Variants in PTPRT observed in about 807,000 individuals in gnomAD.
PTPRT encodes receptor-type tyrosine-protein phosphatase T.
Under a neutral mutation model 176.8 loss-of-function variants are expected in PTPRT, and 56 were observed. The ratio of observed to expected loss-of-function variants is 0.32; its 90% CI spans 0.26 to 0.40. The LOEUF (loss-of-function observed/expected upper bound fraction) is 0.40, where lower values mean the gene tolerates loss of function less well. PTPRT is among the 10% of genes least tolerant of loss of function. PTPRT has a pLI of 1.00. For missense variants in PTPRT, 1,540 were observed against 1,908.2 expected (o/e 0.81, Z 3.60); for synonymous variants, 783 against 739.0 (o/e 1.06, Z -0.96).
rs535257625 is a variant in PTPRT at position 43,016,609 on chromosome 20, G to A, written c.89-130677C>T. On this transcript the variant is annotated intron_variant, in intron 1 of 30. Coordinates refer to ENST00000373187, the MANE Select transcript of PTPRT (RefSeq NM_007050.6). ...CAGAGTCTCATTCTGTCTCTATCTCGGCTCACTGCAACCTCCCCCTCTTGG... is the reference window on the plus strand; with the variant it reads ...CAGAGTCTCATTCTGTCTCTATCTCAGCTCACTGCAACCTCCCCCTCTTGG... Among the ~76,000 whole-genome samples, 10 of 127,190 alleles carry A rather than the reference G, an allele frequency of 7.9e-5. No homozygotes were observed. The South Asian group carries it at 1.0e-3, about 13-fold the overall frequency. 83.4% of individuals were successfully genotyped at this position (127,190 alleles called of 152,430 possible).
chr20:42,821,723 C>A (rs1248769014), intron 2 of PTPRT, among the ~76,000 whole-genome samples: 2 of 152,106 alleles, frequency 1.3e-5, no homozygotes, highest in Admixed American at 6.5e-5. Context: ...TCTCGGGATA[C>A]AAAAGCAATG....
At chr20:42,881,923 G>A (rs2079018527) in intron 2 of PTPRT, among the ~76,000 whole-genome samples, 1 of 152,028 alleles carries the variant, frequency 6.6e-6, no homozygotes, top group Admixed American at 6.6e-5. Flanking sequence ...AGAAGAAAAG[G>A]GGCCCAAAGA....
At chr20:42,364,013 A>G (rs1347634026) in intron 9 of PTPRT, among the ~76,000 whole-genome samples, 1 of 152,146 alleles carries the variant, frequency 6.6e-6, no homozygotes, top group Non-Finnish European at 1.5e-5. Flanking sequence ...AGAGCTTTTG[A>G]GTGCATCGTT....
chr20:42,573,894 C>T (rs1426365194), intron 7 of PTPRT, among the ~76,000 whole-genome samples: 1 of 151,756 alleles, frequency 6.6e-6, no homozygotes, highest in Admixed American at 6.6e-5. Flanking sequence ...GATTACAGGC[C>T]CGTGCCACCA....
chr20:42,229,262 A>G (rs1447531689), intron 15 of PTPRT, among the ~76,000 whole-genome samples: 1 of 152,222 alleles, frequency 6.6e-6, no homozygotes. Flanking sequence ...AGGCTCAGGA[A>G]TCAGACTTCC....
At position 42,977,814 on chromosome 20, in the gene PTPRT, T is replaced by G. The variant is rs561946889; in HGVS notation, c.89-91882A>C. ...CATTTAAAATTGTTTTCCTCAGTTT[T>G]CTATCTCAATCTTGTGATAAAATCC... On this transcript the variant is annotated intron_variant, in intron 1 of 30. Transcript: ENST00000373187. 3.5e-4 allele frequency among the ~76,000 whole-genome samples: 54 copies of G among 152,370 alleles called. 1 individual carries two copies. In the South Asian group the frequency reaches 0.011, roughly 31 times the overall value.
chr20:42,808,352 T>C (rs2077644402), intron 2 of PTPRT, among the ~76,000 whole-genome samples: 1 of 152,166 alleles, frequency 6.6e-6, no homozygotes, highest in Non-Finnish European at 1.5e-5. Flanking sequence ...TGTCTGGGCA[T>C]TTTTGAGGGG....
At chr20:42,811,734 C>A (rs1705985937) in intron 2 of PTPRT, among the ~76,000 whole-genome samples, 1 of 152,136 alleles carries the variant, frequency 6.6e-6, no homozygotes, top group African/African-American at 2.4e-5. Flanking sequence ...CCTTCATACC[C>A]TGATCTATAA....
intron 7 of PTPRT, among the ~76,000 whole-genome samples, chr20:42,566,118 A>C (rs1568981680): frequency 6.6e-6 from 1 of 152,078 alleles, no homozygotes; most frequent in Non-Finnish European, 1.5e-5. Flanking sequence ...AATTAAAAAA[A>C]AATAGATTCA....
intron 14 of PTPRT, among the ~76,000 whole-genome samples, chr20:42,240,546 T>C (rs903187373): frequency 2.6e-5 from 4 of 152,168 alleles, no homozygotes; most frequent in African/African-American, 4.8e-5. Context: ...CAGGCACAGT[T>C]TTCTTTTGTT....
At chr20:42,786,943 G>C (rs1600737495) in intron 3 of PTPRT, among the ~76,000 whole-genome samples, 1 of 152,270 alleles carries the variant, frequency 6.6e-6, no homozygotes, top group East Asian at 1.9e-4. Flanking sequence ...ATGTACATCA[G>C]GGTTCAGCTA....
At chr20:43,079,329 A>G (rs1156713084) in intron 1 of PTPRT, among the ~76,000 whole-genome samples, 1 of 152,004 alleles carries the variant, frequency 6.6e-6, no homozygotes, top group Non-Finnish European at 1.5e-5. Context: ...TGCAGGCTGT[A>G]GGAAAAATTC....
intron 15 of PTPRT, among the ~76,000 whole-genome samples, chr20:42,223,286 G>T (rs1266797543): frequency 2.6e-5 from 4 of 152,166 alleles, no homozygotes; most frequent in Non-Finnish European, 5.9e-5. Context: ...ATTATCTTAT[G>T]CTGTCCTGGT....
At position 42,629,714 on chromosome 20, in the gene PTPRT, A is replaced by G. The variant is rs532132052; in HGVS notation, c.1153+48152T>C. The stretch of plus-strand genomic sequence containing the variant: ...CAAGCAGCTTATGAAGGAAGCAATG[A>G]CTTAAAGCAGACACGTTACCTCTAA... On this transcript the variant is annotated intron_variant, in intron 7 of 30. Transcript: ENST00000373187. Among the ~76,000 whole-genome samples the G allele has an allele frequency of 1.9e-3, 293 of 152,284 alleles. 2 individuals are homozygous for G. The highest frequency in any genetic ancestry group is 0.014 in the Middle Eastern group (4 of 294).
intron 1 of PTPRT, among the ~76,000 whole-genome samples, chr20:43,016,579 T>TTTTTTTTTTTTTTTTTG (rs1335110796): frequency 7.6e-6 from 1 of 131,380 alleles, no homozygotes; most frequent in African/African-American, 2.9e-5. Flanking sequence ...TTTTTTTTTT[T>TTTTTTTTTTTTTTTTTG]GAGGCAGAGT....
intron 27 of PTPRT, among the ~76,000 whole-genome samples, chr20:42,092,784 C>T (rs1259295316): frequency 1.3e-5 from 2 of 152,200 alleles, no homozygotes; most frequent in Non-Finnish European, 2.9e-5. Flanking sequence ...TCTGAAATAG[C>T]ACCCTGCTTT....
intron 7 of PTPRT, among the ~76,000 whole-genome samples, chr20:42,604,730 G>A (rs999247124): frequency 1.3e-5 from 2 of 152,134 alleles, no homozygotes; most frequent in Non-Finnish European, 2.9e-5. Flanking sequence ...AGAGTTGGGG[G>A]AACTGAGGCC....
chr20:42,061,945 T>C, the PTPRT span, among the ~76,000 whole-genome samples: 1 of 152,200 alleles, frequency 6.6e-6, no homozygotes, highest in Admixed American at 6.5e-5. Flanking sequence ...CATGTTAATT[T>C]TACCTTTTGT....
chr20:42,868,398 C>T (rs565977313), intron 2 of PTPRT, among the ~76,000 whole-genome samples: 1 of 152,286 alleles, frequency 6.6e-6, no homozygotes, highest in African/African-American at 2.4e-5. Context: ...ATGCCCATGT[C>T]TCAATGCTTT....
Sources: allele counts gnomAD v4.1 joint callset (sites outside exome capture counted in the v4.1 genomes callset), GRCh38; gene constraint gnomAD v4.1.1; transcripts MANE v1.5; gene names NCBI Gene and HGNC (gene_info 2026-07-23, HGNC 2026-07-21).